Variants in TMEM117 observed in about 807,000 individuals in gnomAD.
TMEM117 encodes transmembrane protein 117.
TMEM117 carries 27 observed loss-of-function variants against 52.4 expected under a neutral mutation model. The observed-to-expected ratio is 0.51, with a 90% confidence interval of 0.38 to 0.71. The LOEUF is 0.71. Ranked by LOEUF, TMEM117 falls within the 30% of genes least tolerant of loss-of-function variation. TMEM117 has a pLI of 0.00. For missense variants in TMEM117, 556 were observed against 630.5 expected (o/e 0.88, Z 1.26); for synonymous variants, 215 against 206.3 (o/e 1.04, Z -0.36).
rs187063463 is a variant in TMEM117, at chr12:44,108,125, G to A, written c.411-35400G>A. On this transcript the variant is annotated intron_variant, in intron 3 of 7. Transcript: ENST00000266534. ...ACATTTGATGAGCACATCTGCTAAA[G>A]TGAATTTAAAAGGGATAGTTTACTT... 4.4e-3 allele frequency among the ~76,000 whole-genome samples: 673 copies of A among 152,242 alleles called. 5 individuals carry two copies. The highest frequency in any genetic ancestry group is 6.1e-3 in the Non-Finnish European group (418 of 67,996).
intron 6 of TMEM117, among the ~76,000 whole-genome samples, chr12:44,317,875 A>G (rs554881773): frequency 3.0e-4 from 45 of 152,286 alleles, no homozygotes; most frequent in African/African-American, 1.1e-3. Context: ...TCACCACCAC[A>G]TGAGGGAACC....
At position 43,934,017 on chromosome 12, in the gene TMEM117, ATTAAG is replaced by A. The variant is rs529496042; in HGVS notation, c.278-10186_278-10182del. Among the ~76,000 whole-genome samples the A allele has an allele frequency of 2.8e-3, 421 of 152,354 alleles. 2 individuals carry two copies. Among genetic ancestry groups the A allele is most frequent in the African/African-American group, 8.8e-3 (367 of 41,592 alleles). ...AACCTATTATAGCTAGTTATGTCAT[ATTAAG>A]TTAAGTGATATCAAATTGCTGATGT... On this transcript the variant is annotated intron_variant, in intron 2 of 7. Coordinates refer to ENST00000266534, the MANE Select transcript of TMEM117 (RefSeq NM_032256.3).
intron 5 of TMEM117, among the ~76,000 whole-genome samples, chr12:44,256,954 T>C (rs1269136922): frequency 6.6e-6 from 1 of 151,438 alleles, no homozygotes. Context: ...GCCTTCTCTT[T>C]TCCTGGTCTG....
At chr12:44,177,116 G>A (rs1279752166) in intron 4 of TMEM117, among the ~76,000 whole-genome samples, 8 of 152,070 alleles carry the variant, frequency 5.3e-5, no homozygotes, top group African/African-American at 1.9e-4. Context: ...ATTTCTTACT[G>A]GTTTCATGTA....
intron 2 of TMEM117, among the ~76,000 whole-genome samples, chr12:43,847,220 G>GAAAGA (rs1943225560): frequency 1.3e-5 from 2 of 152,198 alleles, no homozygotes; most frequent in African/African-American, 4.8e-5. Flanking sequence ...GAAGGTTTCT[G>GAAAGA]TGGTCTGGGA....
intron 2 of TMEM117, among the ~76,000 whole-genome samples, chr12:43,858,351 T>C (rs1464887492): frequency 6.6e-6 from 1 of 152,234 alleles, no homozygotes; most frequent in Non-Finnish European, 1.5e-5. Context: ...CGGATTGTGC[T>C]AGGCCACTCC....
chr12:43,953,461 C>T, intron 3 of TMEM117, among the ~76,000 whole-genome samples: 1 of 152,018 alleles, frequency 6.6e-6, no homozygotes, highest in South Asian at 2.1e-4. Context: ...GGAAAATTTA[C>T]CAAGCAAATG....
intron 3 of TMEM117, among the ~76,000 whole-genome samples, chr12:44,127,501 AC>A (rs1948345203): frequency 6.6e-6 from 1 of 151,798 alleles, no homozygotes; most frequent in Admixed American, 6.6e-5. Context: ...ACATGGAGAA[AC>A]CCCATCTCTA....
chr12:43,902,484 C>T (rs1017597983), intron 2 of TMEM117, among the ~76,000 whole-genome samples: 12 of 152,126 alleles, frequency 7.9e-5, no homozygotes, highest in Admixed American at 7.2e-4. Flanking sequence ...ATATCTAGTG[C>T]TCTACATTGA....
intron 3 of TMEM117, among the ~76,000 whole-genome samples, chr12:44,141,125 CT>C (rs1948565349): frequency 6.6e-6 from 1 of 152,104 alleles, no homozygotes; most frequent in South Asian, 2.1e-4. Flanking sequence ...AGTGTTAACA[CT>C]TTTGATTAAC....
intron 3 of TMEM117, among the ~76,000 whole-genome samples, chr12:43,955,597 C>T (rs918388191): frequency 2.0e-5 from 3 of 152,020 alleles, no homozygotes; most frequent in Non-Finnish European, 4.4e-5. Context: ...AAGTGAAGGA[C>T]CTCTTTAAGG....
At chr12:43,887,959 G>A (rs1045816298) in intron 2 of TMEM117, among the ~76,000 whole-genome samples, 11 of 152,312 alleles carry the variant, frequency 7.2e-5, no homozygotes, top group African/African-American at 2.2e-4. Flanking sequence ...TGCTGTGGAA[G>A]CTAAGATGGC....
At position 44,043,352 on chromosome 12, in the gene TMEM117, C is replaced by T. The variant is rs138572958; in HGVS notation, c.410+99010C>T. Among the ~76,000 whole-genome samples the T allele has an allele frequency of 2.9e-3, 445 of 152,276 alleles. 2 individuals are homozygous for T. The highest frequency in any genetic ancestry group is 5.5e-3 in the Non-Finnish European group (372 of 68,020). On this transcript the variant is annotated intron_variant, in intron 3 of 7. Transcript: ENST00000266534. ...CTGCAACGAAAGATGGATGCACAGC[C>T]TCACCAGGTGTCTACTGTTAAAGTG...
At chr12:44,084,054 A>G (rs1246395873) in intron 3 of TMEM117, among the ~76,000 whole-genome samples, 1 of 152,220 alleles carries the variant, frequency 6.6e-6, no homozygotes, top group Non-Finnish European at 1.5e-5. Context: ...AATGGTCTCC[A>G]ACAAGAAAAT....
chr12:43,809,721 G>A, the TMEM117 span, among the ~76,000 whole-genome samples: 1 of 152,090 alleles, frequency 6.6e-6, no homozygotes, highest in African/African-American at 2.4e-5. Flanking sequence ...CACGTCCTTA[G>A]ATTTATAAAG....
In TMEM117 at chr12:44,052,368, A is replaced by T. The variant is rs780053117; in HGVS notation, c.411-91157A>T. ...TCAATCCAGTCCAGGGCAATAATCC[A>T]GCCTCCCAATGCACTGGCTCCTGCA... On this transcript the variant is annotated intron_variant, in intron 3 of 7. Coordinates refer to ENST00000266534, the MANE Select transcript of TMEM117 (RefSeq NM_032256.3). Among the ~76,000 whole-genome samples, 20 of 152,150 alleles carry T rather than the reference A, an allele frequency of 1.3e-4. 1 individual carries two copies. Among genetic ancestry groups the T allele is most frequent in the Non-Finnish European group, 2.2e-4 (15 of 68,038 alleles).
intron 5 of TMEM117, among the ~76,000 whole-genome samples, chr12:44,264,966 A>G (rs1950360136): frequency 6.6e-6 from 1 of 152,210 alleles, no homozygotes; most frequent in African/African-American, 2.4e-5. Context: ...GGGATTAGAA[A>G]CCTAGCAGTA....
chr12:43,951,384 A>C (rs763531205), intron 3 of TMEM117, among the ~76,000 whole-genome samples: 40 of 152,306 alleles, frequency 2.6e-4, no homozygotes, highest in Middle Eastern at 3.4e-3. Context: ...GTAAGCTAAG[A>C]ACCACTGGCT....
At chr12:44,205,363 G>T (rs1266707008) in intron 4 of TMEM117, among the ~76,000 whole-genome samples, 1 of 152,090 alleles carries the variant, frequency 6.6e-6, no homozygotes, top group Non-Finnish European at 1.5e-5. Flanking sequence ...TGCCATGATT[G>T]TGAGACCTTC....
Sources: gnomAD v4.1 joint callset for allele counts (sites outside exome capture counted in the v4.1 genomes callset) on GRCh38, gnomAD v4.1.1 for gene constraint, MANE v1.5 for transcripts, NCBI Gene and HGNC (gene_info 2026-07-23, HGNC 2026-07-21) for gene names.